PIK3C2B: variants seen among roughly 807,000 people sequenced by gnomAD.
PIK3C2B encodes the protein phosphatidylinositol 4-phosphate 3-kinase C2 domain-containing subunit beta.
A neutral mutation model predicts 184.3 loss-of-function variants in PIK3C2B; 83 were observed. The observed-to-expected ratio is 0.45, with a 90% CI of 0.38 to 0.54. PIK3C2B has a LOEUF of 0.54. Among genes scored for constraint, PIK3C2B ranks in the 20% least tolerant of loss-of-function variants. The pLI is 0.00. For synonymous variants in PIK3C2B, 779 were observed against 837.6 expected, an observed-to-expected ratio of 0.93 and a Z score of 1.21; for missense variants, 1,736 against 2,113.5, an observed-to-expected ratio of 0.82 and a Z score of 3.50.
At chr1:204,450,728 C>T (rs916730258) in intron 12 of PIK3C2B, among the ~76,000 whole-genome samples, 12 of 152,208 alleles carry the variant, frequency 7.9e-5, no homozygotes, top group Admixed American at 5.9e-4. Context: ...CCCATAAGTT[C>T]TCTCCAGGTC....
chr1:204,457,157 CA>C, intron 9 of PIK3C2B, 87 bp from the exon 10 acceptor site: 1 of 1,145,112 alleles, frequency 8.7e-7, no homozygotes, highest in Admixed American at 2.3e-5. Context: ...CAGCTGCGCT[CA>C]TCTGGACCAG....
intron 12 of PIK3C2B, among the ~76,000 whole-genome samples, chr1:204,450,902 C>T (rs1654291858): frequency 6.6e-6 from 1 of 152,236 alleles, no homozygotes; most frequent in Non-Finnish European, 1.5e-5. Flanking sequence ...TCACACCCTC[C>T]TGGCCAGCCC....
chr1:204,475,420 C>T (rs1328029386), intron 1 of PIK3C2B, among the ~76,000 whole-genome samples: 2 of 152,206 alleles, frequency 1.3e-5, no homozygotes, highest in South Asian at 2.1e-4. Flanking sequence ...CTATGTTCCT[C>T]AAGTTCCAAA....
At position 204,456,888 on chromosome 1, in the gene PIK3C2B, AC is replaced by A; in HGVS notation, c.1747+148del. 6.0e-6 allele frequency: 3 copies of A among 503,896 alleles called. 1 individual carries two copies. In the East Asian group the frequency reaches 1.2e-4, roughly 20 times the overall value. The allele number at this position is 503,896 out of a possible 1,614,324, so 31.2% of individuals were successfully genotyped here. A position where few individuals can be genotyped will look rare whatever the true frequency, so the allele number is the denominator to read the frequency against. Reference sequence around the variant, plus strand: ...CTCATATAGGAACACACACACACACACACACACACACACACACACCCACACA... The same window carrying A: ...CTCATATAGGAACACACACACACACAACACACACACACACACACCCACACA... On this transcript the variant is annotated intron_variant, in intron 10 of 32. Coordinates refer to ENST00000684373, the MANE Select transcript of PIK3C2B (RefSeq NM_001377334.1).
chr1:204,468,940 G>A lies in PIK3C2B; in HGVS notation c.863C>T (p.Thr288Ile), dbSNP rs781696461. The A allele has an allele frequency of 2.1e-5, 34 of 1,613,854 alleles. No homozygotes were observed. Among genetic ancestry groups the A allele is most frequent in the Non-Finnish European group, 2.8e-5 (33 of 1,179,912 alleles). Residue 288 changes from threonine to isoleucine, a missense_variant, in exon 2 of 33, where the codon ACC becomes ATC. This residue lies in a region of PIK3C2B where 404 missense variants were observed against 418.0 expected (regional missense o/e 0.97). Coordinates refer to ENST00000684373, the MANE Select transcript of PIK3C2B (RefSeq NM_001377334.1). ...KTMPPQVPPR[T>I]YASRYGNRKN... ...TCGGTTGCCATAGCGGGAGGCATAGGTGCGGGGGGGCACCTGAGGGGGCAT... is the reference window on the plus strand; with the variant it reads ...TCGGTTGCCATAGCGGGAGGCATAGATGCGGGGGGGCACCTGAGGGGGCAT...
intron 23 of PIK3C2B, among the ~76,000 whole-genome samples, chr1:204,434,999 G>A (rs991985372): frequency 1.3e-4 from 20 of 152,162 alleles, no homozygotes; most frequent in Non-Finnish European, 2.8e-4. Context: ...AACTGGCCGT[G>A]ATGATCTTAA....
At chr1:204,441,590 G>C in intron 20 of PIK3C2B, 27 bp from the exon 21 acceptor site, 2 of 1,517,112 alleles carry the variant, frequency 1.3e-6, no homozygotes, top group Non-Finnish European at 1.8e-6. Flanking sequence ...ATAGTGACGA[G>C]GGTCAGAGTG....
At chr1:204,458,114 C>T (rs1038259776) in intron 8 of PIK3C2B, among the ~76,000 whole-genome samples, 3 of 152,214 alleles carry the variant, frequency 2.0e-5, no homozygotes, top group Non-Finnish European at 2.9e-5. Context: ...CCCCTTGAAG[C>T]TCCTCCTATC....
chr1:204,441,655 C>G, intron 20 of PIK3C2B, 92 bp from the exon 21 acceptor site: 1 of 721,952 alleles, frequency 1.4e-6, no homozygotes, highest in Admixed American at 2.6e-5. Context: ...ATGCTGCCTC[C>G]CCGCTGCTGC....
At chr1:204,460,781 G>A (rs1572355825) in intron 5 of PIK3C2B, 120 bp from the exon 6 acceptor site, 16 of 679,002 alleles carry the variant, frequency 2.4e-5, no homozygotes, top group South Asian at 1.2e-4. Flanking sequence ...GGTAGTACCC[G>A]TGTTGTACCC....
intron 19 of PIK3C2B, 77 bp from the exon 20 acceptor site, chr1:204,442,710 G>A: frequency 1.0e-6 from 1 of 961,590 alleles, no homozygotes; most frequent in East Asian, 2.7e-5. Flanking sequence ...CCAGGGGTGG[G>A]TTCTCCGTAG....
rs764826798 is a variant in PIK3C2B at position 204,454,720 on chromosome 1, C to G, written c.2015G>C (p.Arg672Pro). 3 of 1,613,454 alleles carry G rather than the reference C, an allele frequency of 1.9e-6. No individual in the cohort carries two copies. The change falls in exon 12 of 33, where the codon CGA (arginine) becomes CCA (proline). Residue 672 changes from arginine (R) to proline (P), a missense_variant. Around this residue, in one of 8 missense-constraint regions of PIK3C2B, gnomAD observed 609 missense variants for 699.2 expected, o/e 0.87. Transcript: ENST00000684373. ...GAGGTACTTGGAGAAGTGAGCTCTT[C>G]GGGTCTGCAGGGGGCTGCACAGCTC... ...GKELCSPLQT[R>P]RAHFSKYLFH...
At chr1:204,483,755 GA>G (rs1463589464) in intron 1 of PIK3C2B, among the ~76,000 whole-genome samples, 1 of 152,176 alleles carries the variant, frequency 6.6e-6, no homozygotes, top group Non-Finnish European at 1.5e-5. Context: ...TCCCAAGAGA[GA>G]CAGATGTCCT....
At chr1:204,441,592 G>A in intron 20 of PIK3C2B, 29 bp from the exon 21 acceptor site, 1 of 1,517,288 alleles carries the variant, frequency 6.6e-7, no homozygotes, top group Non-Finnish European at 9.1e-7. Context: ...AGTGACGAGG[G>A]TCAGAGTGGC....
At position 204,424,885 on chromosome 1, in the gene PIK3C2B, G is replaced by A. The variant is rs577562908; in HGVS notation, c.4872C>T (p.Phe1624=). Residue 1624 remains phenylalanine, a synonymous_variant, in exon 33 of 33, where the codon TTC becomes TTT. Transcript: ENST00000684373. ...LDLAQEKTGW[F]ALGSRSHGTL is the part of the protein sequence containing the mutation. ...TGCCATGACTTCGAGATCCCAGGGCGAACCAGCCGGTCTTCTCCTGAGCCA... is the reference window on the plus strand; with the variant it reads ...TGCCATGACTTCGAGATCCCAGGGCAAACCAGCCGGTCTTCTCCTGAGCCA... 163 of 1,614,176 alleles carry A rather than the reference G, an allele frequency of 1.0e-4. No homozygotes were observed. Among genetic ancestry groups the A allele is most frequent in the South Asian group, 6.0e-4 (55 of 91,078 alleles).
At chr1:204,435,328 T>C (rs1675284657) in intron 23 of PIK3C2B, 2 of 152,134 alleles carry the variant, frequency 1.3e-5, no homozygotes, top group African/African-American at 4.8e-5. Context: ...CCCTTATCTG[T>C]CTTTCCAGAA....
chr1:204,489,915 G>C (rs981866017), intron 1 of PIK3C2B: 3 of 395,464 alleles, frequency 7.6e-6, no homozygotes, highest in African/African-American at 6.3e-5. Flanking sequence ...CTTACGGTTT[G>C]CTGCAAAGGA....
rs769871977 is a variant in PIK3C2B, at chr1:204,433,265, T to C, written c.3953+51A>G. ...TCCTCCTCCTGCCAATCCGGCAGGCTGGGAATTACTCAGGGTGGGCAGTGC... is the reference window on the plus strand; with the variant it reads ...TCCTCCTCCTGCCAATCCGGCAGGCCGGGAATTACTCAGGGTGGGCAGTGC... On this transcript the variant is annotated intron_variant, in intron 26 of 32. Coordinates refer to ENST00000684373, the MANE Select transcript of PIK3C2B (RefSeq NM_001377334.1). This position sits in a 1 kb window ranked among gnomAD's most constrained non-coding sequence, Gnocchi z 5.0. 5 of 991,546 alleles carry C rather than the reference T, an allele frequency of 5.0e-6. No individual in the cohort carries two copies. In the East Asian group the frequency reaches 9.7e-5, roughly 19 times the overall value. 61.4% of individuals were successfully genotyped at this position (991,546 alleles called of 1,614,324 possible). A position where few individuals can be genotyped will look rare whatever the true frequency, so the allele number is the denominator to read the frequency against.
At chr1:204,450,406 A>G (rs1654250317) in intron 12 of PIK3C2B, among the ~76,000 whole-genome samples, 1 of 151,398 alleles carries the variant, frequency 6.6e-6, no homozygotes, top group South Asian at 2.1e-4. Context: ...CCGCAAAGCT[A>G]CTCCTTTTGT....
Sources: allele counts gnomAD v4.1 joint callset (sites outside exome capture counted in the v4.1 genomes callset), GRCh38; gene constraint gnomAD v4.1.1; regional missense constraint gnomAD v4.1.1; non-coding constraint Gnocchi (gnomAD v3.1); transcripts MANE v1.5; gene names NCBI Gene and HGNC (gene_info 2026-07-23, HGNC 2026-07-21).